The following TMEM135 variants were observed in gnomAD, a reference collection of about 807,000 sequenced individuals.
TMEM135 encodes the protein transmembrane protein 135.
A neutral mutation model predicts 60.3 loss-of-function variants in TMEM135; 30 were observed. The observed-to-expected ratio is 0.50, with a 90% CI of 0.37 to 0.68. TMEM135 has a LOEUF of 0.68. TMEM135 is among the 30% of genes least tolerant of loss of function. The pLI, the probability that TMEM135 is intolerant of heterozygous loss-of-function variation, is 0.00. For missense variants in TMEM135, 468 were observed against 548.8 expected, an observed-to-expected ratio of 0.85 and a Z score of 1.47; for synonymous variants, 190 against 186.7, an observed-to-expected ratio of 1.02 and a Z score of -0.14.
At chr11:87,103,230 T>C (rs1217829610) in intron 4 of TMEM135, among the ~76,000 whole-genome samples, 3 of 152,168 alleles carry the variant, frequency 2.0e-5, no homozygotes, top group Non-Finnish European at 2.9e-5. Context: ...AAAAATCATA[T>C]GGTATTTTTA....
chr11:87,130,017 T>C (rs1937871408), intron 4 of TMEM135, among the ~76,000 whole-genome samples: 1 of 152,178 alleles, frequency 6.6e-6, no homozygotes, highest in Admixed American at 6.5e-5. Flanking sequence ...ATAATGATTT[T>C]ATTTTAATAA....
At chr11:87,076,325 C>T (rs1234254291) in intron 3 of TMEM135, among the ~76,000 whole-genome samples, 1 of 152,352 alleles carries the variant, frequency 6.6e-6, no homozygotes, top group Admixed American at 6.5e-5. Flanking sequence ...CACCACCAGC[C>T]CATGGCAGGC....
At chr11:87,076,555 T>A (rs2445579) in intron 3 of TMEM135, among the ~76,000 whole-genome samples, 83,676 of 152,012 alleles carry the variant, frequency 0.55, 23,871 homozygotes, top group East Asian at 0.71. Flanking sequence ...GGTACCTACG[T>A]GCAAGACAAA....
chr11:87,112,802 A>G (rs1857788071), intron 4 of TMEM135, among the ~76,000 whole-genome samples: 1 of 152,038 alleles, frequency 6.6e-6, no homozygotes, highest in Middle Eastern at 3.2e-3. Flanking sequence ...TGAATGGCAT[A>G]TGATAAGGGT....
chr11:87,199,191 C>G (rs537511098), intron 5 of TMEM135, among the ~76,000 whole-genome samples: 2 of 152,060 alleles, frequency 1.3e-5, no homozygotes, highest in Non-Finnish European at 2.9e-5. Flanking sequence ...GAAACCCTGT[C>G]GCTACTAAAA....
At chr11:87,223,764 C>T (rs1041580678) in intron 5 of TMEM135, among the ~76,000 whole-genome samples, 1 of 151,744 alleles carries the variant, frequency 6.6e-6, no homozygotes, top group African/African-American at 2.4e-5. Flanking sequence ...GCAGGAGAAT[C>T]GCTTGAACTT....
intron 5 of TMEM135, among the ~76,000 whole-genome samples, chr11:87,213,082 G>C (rs1940414468): frequency 6.6e-6 from 1 of 152,102 alleles, no homozygotes; most frequent in African/African-American, 2.4e-5. Context: ...ATTCCAAAGA[G>C]AGTATTCATT....
intron 6 of TMEM135, among the ~76,000 whole-genome samples, chr11:87,286,515 C>T (rs116959108): frequency 0.016 from 2,498 of 152,364 alleles, 24 homozygotes; most frequent in Admixed American, 0.027. Context: ...CCGTGCTGCG[C>T]GCCTGCACTA....
chr11:87,262,431 A>T (rs1941670571), intron 6 of TMEM135, among the ~76,000 whole-genome samples: 1 of 152,236 alleles, frequency 6.6e-6, no homozygotes, highest in Non-Finnish European at 1.5e-5. Context: ...CAGTCAAATC[A>T]TCTAAAATGT....
intron 1 of TMEM135, 117 bp downstream of exon 1, chr11:87,038,303 A>C: frequency 1.6e-5 from 7 of 429,256 alleles, no homozygotes; most frequent in African/African-American, 5.4e-5. Flanking sequence ...TCTCTTTTGG[A>C]GGGGTCGGAG....
At chr11:87,132,101 A>T (rs765181746) in intron 4 of TMEM135, among the ~76,000 whole-genome samples, 3 of 152,152 alleles carry the variant, frequency 2.0e-5, no homozygotes, top group Non-Finnish European at 4.4e-5. Context: ...GTGTATAATT[A>T]TTTATTTCAT....
chr11:87,155,812 T>C (rs1374317074), intron 4 of TMEM135, among the ~76,000 whole-genome samples: 1 of 152,204 alleles, frequency 6.6e-6, no homozygotes, highest in African/African-American at 2.4e-5. Flanking sequence ...GCTGTTTTAC[T>C]GGAATTCAGG....
chr11:87,270,786 C>T (rs558373363), intron 6 of TMEM135, among the ~76,000 whole-genome samples: 3 of 152,162 alleles, frequency 2.0e-5, no homozygotes, highest in African/African-American at 7.2e-5. Flanking sequence ...AAAATATAAG[C>T]AATTTTATAT....
At chr11:87,054,454 A>T (rs1369256331) in intron 1 of TMEM135, among the ~76,000 whole-genome samples, 1 of 152,234 alleles carries the variant, frequency 6.6e-6, no homozygotes, top group Admixed American at 6.5e-5. Flanking sequence ...AAAGAAAAAA[A>T]GAAAAATATT....
intron 4 of TMEM135, among the ~76,000 whole-genome samples, chr11:87,103,101 C>T (rs750365264): frequency 6.6e-6 from 1 of 152,074 alleles, no homozygotes; most frequent in African/African-American, 2.4e-5. Flanking sequence ...GATTCCATGT[C>T]TTGGTTATTG....
intron 1 of TMEM135, among the ~76,000 whole-genome samples, chr11:87,042,522 G>A (rs1949758748): frequency 6.6e-6 from 1 of 152,158 alleles, no homozygotes; most frequent in Admixed American, 6.5e-5. Flanking sequence ...GCTAGCTCAG[G>A]GGAGAGTGGG....
chr11:87,169,669 T>C (rs652171), intron 5 of TMEM135, among the ~76,000 whole-genome samples: 55,973 of 152,016 alleles, frequency 0.37, 10,850 homozygotes, highest in East Asian at 0.67. Flanking sequence ...TAGAGATACC[T>C]GCTGTTAGTC....
At chr11:87,068,179 T>G (rs1437654301) in intron 2 of TMEM135, among the ~76,000 whole-genome samples, 5 of 152,216 alleles carry the variant, frequency 3.3e-5, no homozygotes. Flanking sequence ...TAGGGCCACA[T>G]GCAGTGAACA....
At chr11:87,195,755 A>G (rs915608881) in intron 5 of TMEM135, among the ~76,000 whole-genome samples, 1 of 152,176 alleles carries the variant, frequency 6.6e-6, no homozygotes, top group Non-Finnish European at 1.5e-5. Flanking sequence ...TTGTTTTTGC[A>G]TGCCTGTTAT....
Sources: gnomAD v4.1 joint callset for allele counts (sites outside exome capture counted in the v4.1 genomes callset) on GRCh38, gnomAD v4.1.1 for gene constraint, MANE v1.5 for transcripts, NCBI Gene and HGNC (gene_info 2026-07-23, HGNC 2026-07-21) for gene names.